ADCY8: variants seen among roughly 807,000 people sequenced by gnomAD.
ADCY8 encodes the protein adenylate cyclase 8, also known as adenylate cyclase type 8.
ADCY8 carries 51 observed loss-of-function variants against 119.7 expected under a neutral mutation model. The observed-to-expected ratio is 0.43, with a 90% CI of 0.34 to 0.54. ADCY8 has a LOEUF of 0.54. Ranked by LOEUF, ADCY8 falls within the 20% of genes least tolerant of loss-of-function variation. The pLI, the probability that ADCY8 is intolerant of heterozygous loss-of-function variation, is 0.03. For missense variants in ADCY8, 1,383 were observed against 1,598.8 expected, an observed-to-expected ratio of 0.87 and a Z score of 2.30; for synonymous variants, 665 against 651.0, an observed-to-expected ratio of 1.02 and a Z score of -0.33.
chr8:131,016,278 C>G (rs574736735), intron 1 of ADCY8, among the ~76,000 whole-genome samples: 1 of 152,128 alleles, frequency 6.6e-6, no homozygotes, highest in African/African-American at 2.4e-5. Flanking sequence ...AATCCCAGCA[C>G]TTTGGGAGGC....
chr8:130,933,279 A>T (rs1046133014), intron 5 of ADCY8, among the ~76,000 whole-genome samples: 1 of 152,228 alleles, frequency 6.6e-6, no homozygotes, highest in Non-Finnish European at 1.5e-5. Context: ...GCTTCTATCA[A>T]GTTTTCAAAT....
intron 1 of ADCY8, 79 bp downstream of exon 1, chr8:131,039,295 C>T: frequency 6.4e-7 from 1 of 1,559,202 alleles, no homozygotes; most frequent in East Asian, 2.3e-5. Flanking sequence ...AGTGAGGCAA[C>T]CCTGGCTCTC....
At chr8:130,922,197 A>G (rs1353863530) in intron 5 of ADCY8, among the ~76,000 whole-genome samples, 1 of 151,382 alleles carries the variant, frequency 6.6e-6, no homozygotes, top group Non-Finnish European at 1.5e-5. Flanking sequence ...TATAAGAAAT[A>G]AATTCCCTTT....
rs148772957 is a variant in ADCY8, at chr8:130,815,471, TTAAA to T, written c.2755-1248_2755-1245del. 5.8e-3 allele frequency among the ~76,000 whole-genome samples: 889 copies of T among 152,334 alleles called. 8 individuals carry two copies. The highest frequency in any genetic ancestry group is 0.027 in the South Asian group (132 of 4,824). On this transcript the variant is annotated intron_variant, in intron 13 of 17. Transcript: ENST00000286355. ...AATGTTTTTAAACAATATACATATA[TTAAA>T]TCCTTTAATCCATGTAATAGCCCTA...
chr8:130,812,352 G>A (rs1471228451), intron 14 of ADCY8, among the ~76,000 whole-genome samples: 1 of 152,118 alleles, frequency 6.6e-6, no homozygotes, highest in Non-Finnish European at 1.5e-5. Context: ...TCCGAATAGT[G>A]CCTAGTGCCT....
At chr8:130,997,264 T>C (rs887104512) in intron 1 of ADCY8, among the ~76,000 whole-genome samples, 10 of 151,684 alleles carry the variant, frequency 6.6e-5, no homozygotes, top group African/African-American at 2.4e-4. Context: ...TATACATATA[T>C]AAATAAAAAT....
intron 3 of ADCY8, among the ~76,000 whole-genome samples, chr8:130,951,392 G>A (rs937571207): frequency 1.3e-5 from 2 of 152,158 alleles, no homozygotes; most frequent in East Asian, 1.9e-4. Flanking sequence ...ATACATGGAT[G>A]GATGGATAGA....
At chr8:130,878,177 G>A (rs1265325008) in intron 8 of ADCY8, among the ~76,000 whole-genome samples, 4 of 152,170 alleles carry the variant, frequency 2.6e-5, no homozygotes, top group Non-Finnish European at 5.9e-5. Context: ...CTGGGTTCAA[G>A]TCAGAATCCA....
intron 10 of ADCY8, among the ~76,000 whole-genome samples, chr8:130,848,122 G>A (rs945066068): frequency 4.6e-5 from 7 of 152,142 alleles, no homozygotes; most frequent in African/African-American, 1.4e-4. Context: ...TGAAAAATAC[G>A]AAACTCTGAG....
chr8:130,787,653 ATG>A (rs1349927999), intron 15 of ADCY8, among the ~76,000 whole-genome samples: 3 of 141,794 alleles, frequency 2.1e-5, no homozygotes, highest in African/African-American at 7.4e-5. Context: ...ACATGTGTGC[ATG>A]TGTGATGTTT....
At chr8:130,937,293 G>C in intron 4 of ADCY8, 93 bp from the exon 5 acceptor site, 1 of 1,323,202 alleles carries the variant, frequency 7.6e-7, no homozygotes, top group East Asian at 2.7e-5. Context: ...GGGTTAGGTG[G>C]TCTGCAACTT....
chr8:130,909,884 T>C lies in ADCY8; in HGVS notation c.1482-18A>G, dbSNP rs748606497. The C allele has an allele frequency of 6.2e-7, 1 of 1,613,354 alleles. No homozygotes were observed. The highest frequency in any genetic ancestry group is 1.1e-5 in the South Asian group (1 of 90,960). On this transcript the variant is annotated intron_variant, in intron 5 of 17. Coordinates refer to ENST00000286355, the MANE Select transcript of ADCY8 (RefSeq NM_001115.3). ...GCACATACCTGTTGACATAGGTAAA[T>C]GGAGAGACACATGTATAAGACCAGA...
intron 14 of ADCY8, 112 bp from the exon 15 acceptor site, chr8:130,800,684 A>T: frequency 8.4e-7 from 1 of 1,185,478 alleles, no homozygotes; most frequent in East Asian, 2.4e-5. Context: ...CCACAGAGAG[A>T]CAGAAAATGA....
intron 15 of ADCY8, among the ~76,000 whole-genome samples, chr8:130,790,571 T>A (rs1563665343): frequency 6.6e-6 from 1 of 152,186 alleles, no homozygotes; most frequent in African/African-American, 2.4e-5. Context: ...GACTTTAACC[T>A]GGAGTTTGCA....
chr8:131,010,269 T>C (rs192178966), intron 1 of ADCY8, among the ~76,000 whole-genome samples: 2 of 152,352 alleles, frequency 1.3e-5, no homozygotes, highest in Admixed American at 1.3e-4. Context: ...AGTATCAATG[T>C]TAATAAATTG....
chr8:130,889,952 C>T (rs1197665626), intron 7 of ADCY8, among the ~76,000 whole-genome samples: 1 of 152,084 alleles, frequency 6.6e-6, no homozygotes, highest in African/African-American at 2.4e-5. Context: ...TCCTTATCAC[C>T]ATTACTATGA....
chr8:130,936,735 TATTC>T (rs1021177446), intron 5 of ADCY8, among the ~76,000 whole-genome samples: 12 of 152,322 alleles, frequency 7.9e-5, no homozygotes, highest in South Asian at 4.1e-4. Flanking sequence ...TGAAATTTTT[TATTC>T]ATTCATTCAT....
At chr8:130,935,093 AG>A (rs1820744569) in intron 5 of ADCY8, among the ~76,000 whole-genome samples, 2 of 152,330 alleles carry the variant, frequency 1.3e-5, no homozygotes, top group Admixed American at 1.3e-4. Context: ...GCCTTTCCAG[AG>A]GTAGGCTGCT....
At chr8:130,811,542 T>G (rs1267343216) in intron 14 of ADCY8, among the ~76,000 whole-genome samples, 1 of 152,246 alleles carries the variant, frequency 6.6e-6, no homozygotes, top group Non-Finnish European at 1.5e-5. Flanking sequence ...TAGCTCAGTC[T>G]GAAAATCTAG....
Sources: allele counts gnomAD v4.1 joint callset (sites outside exome capture counted in the v4.1 genomes callset), GRCh38; gene constraint gnomAD v4.1.1; transcripts MANE v1.5; gene names NCBI Gene and HGNC (gene_info 2026-07-23, HGNC 2026-07-21).